Variants in SLC35D4 observed in about 807,000 individuals in gnomAD.
The protein encoded by SLC35D4 is UDP-N-acetylglucosamine transporter SLC35D4.
the SLC35D4 span, among the ~76,000 whole-genome samples, chr18:23,286,849 T>G: frequency 2.0e-5 from 3 of 152,144 alleles, no homozygotes; most frequent in Non-Finnish European, 4.4e-5. Flanking sequence ...TCTGCTTCCC[T>G]GACTATTCCT....
At chr18:23,285,251 C>T in the SLC35D4 span, among the ~76,000 whole-genome samples, 1 of 152,098 alleles carries the variant, frequency 6.6e-6, no homozygotes, top group Non-Finnish European at 1.5e-5. Flanking sequence ...AACCCCTTCC[C>T]TCCATGTCTC....
the SLC35D4 span, among the ~76,000 whole-genome samples, chr18:23,250,191 A>C: frequency 6.6e-6 from 1 of 152,240 alleles, no homozygotes; most frequent in Non-Finnish European, 1.5e-5. Flanking sequence ...AAGCAGCAGG[A>C]TATCCTTGCT....
chr18:23,353,572 C>T, the SLC35D4 span, among the ~76,000 whole-genome samples: 1 of 152,190 alleles, frequency 6.6e-6, no homozygotes, highest in Non-Finnish European at 1.5e-5. Flanking sequence ...ATTCTTGGGG[C>T]AGGACTAAAG....
chr18:23,410,273 C>T, the SLC35D4 span, among the ~76,000 whole-genome samples: 14 of 150,650 alleles, frequency 9.3e-5, no homozygotes, highest in Admixed American at 4.0e-4. Context: ...GAGGTCAGAT[C>T]GAGACCATCC....
the SLC35D4 span, among the ~76,000 whole-genome samples, chr18:23,413,813 G>A: frequency 1.1e-4 from 17 of 152,066 alleles, no homozygotes; most frequent in African/African-American, 4.1e-4. Flanking sequence ...GCATGGTGAT[G>A]CACGCCTGTA....
At chr18:23,380,807 A>AGT in the SLC35D4 span, among the ~76,000 whole-genome samples, 6,802 of 150,860 alleles carry the variant, frequency 0.045, 191 homozygotes, top group South Asian at 0.082. Context: ...TGTGTGCATG[A>AGT]GTGTGTGTGT....
At chr18:23,358,536 A>G in the SLC35D4 span, among the ~76,000 whole-genome samples, 1 of 152,184 alleles carries the variant, frequency 6.6e-6, no homozygotes, top group Non-Finnish European at 1.5e-5. Context: ...GAAAATAAGA[A>G]TAGCTAGCCC....
chr18:23,374,988 G>A, the SLC35D4 span, among the ~76,000 whole-genome samples: 1 of 151,856 alleles, frequency 6.6e-6, no homozygotes, highest in Non-Finnish European at 1.5e-5. Context: ...GGTGGCACAT[G>A]CCTATAGTCC....
the SLC35D4 span, among the ~76,000 whole-genome samples, chr18:23,405,417 C>T: frequency 4.6e-5 from 7 of 152,210 alleles, no homozygotes; most frequent in East Asian, 3.9e-4. Flanking sequence ...CTCAAACTCC[C>T]GACTTCAAGT....
chr18:23,351,128 C>T, the SLC35D4 span, among the ~76,000 whole-genome samples: 1 of 152,106 alleles, frequency 6.6e-6, no homozygotes, highest in Non-Finnish European at 1.5e-5. Flanking sequence ...CCATGTGGAC[C>T]GAGCACAGTG....
the SLC35D4 span, among the ~76,000 whole-genome samples, chr18:23,316,349 T>G: frequency 4.6e-5 from 7 of 152,162 alleles, no homozygotes; most frequent in Non-Finnish European, 8.8e-5. Flanking sequence ...AATATAAAAT[T>G]TATCATCTGA....
the SLC35D4 span, among the ~76,000 whole-genome samples, chr18:23,285,795 C>G: frequency 5.9e-5 from 9 of 152,158 alleles, no homozygotes; most frequent in Non-Finnish European, 1.2e-4. Context: ...ACACCGGGTC[C>G]GGCTTACGGT....
the SLC35D4 span, among the ~76,000 whole-genome samples, chr18:23,299,817 GA>G: frequency 6.6e-6 from 1 of 152,192 alleles, no homozygotes; most frequent in Non-Finnish European, 1.5e-5. Flanking sequence ...GGGGATGGAG[GA>G]GAGGGAGCCG....
the SLC35D4 span, among the ~76,000 whole-genome samples, chr18:23,288,555 C>T: frequency 6.6e-6 from 1 of 151,652 alleles, no homozygotes; most frequent in African/African-American, 2.4e-5. Flanking sequence ...GGGATTTGCC[C>T]CCCCGCCCCA....
chr18:23,411,550 A>G, the SLC35D4 span, among the ~76,000 whole-genome samples: 238 of 149,786 alleles, frequency 1.6e-3, 2 homozygotes, highest in African/African-American at 5.7e-3. Context: ...AGAAAGAAAG[A>G]AAGGTGTGTG....
the SLC35D4 span, among the ~76,000 whole-genome samples, chr18:23,255,033 T>C: frequency 6.6e-6 from 1 of 152,120 alleles, no homozygotes; most frequent in Non-Finnish European, 1.5e-5. Context: ...ATTGGCTAGT[T>C]TGAATAGTTT....
chr18:23,408,076 C>T, the SLC35D4 span, among the ~76,000 whole-genome samples: 1 of 151,818 alleles, frequency 6.6e-6, no homozygotes, highest in African/African-American at 2.4e-5. Context: ...CAGATCTCTG[C>T]CTAAAAGTTA....
chr18:23,310,267 G>A, the SLC35D4 span: 382 of 985,238 alleles, frequency 3.9e-4, no homozygotes, highest in Non-Finnish European at 4.3e-4. Context: ...GAAACCAGGT[G>A]CATCCTGGGG....
the SLC35D4 span, among the ~76,000 whole-genome samples, chr18:23,366,103 A>C: frequency 6.6e-6 from 1 of 152,224 alleles, no homozygotes; most frequent in Non-Finnish European, 1.5e-5. Context: ...AGATAGTTAC[A>C]TTTCCAAGAG....
Sources: allele counts gnomAD v4.1 joint callset (sites outside exome capture counted in the v4.1 genomes callset), GRCh38; gene constraint gnomAD v4.1.1; transcripts MANE v1.5; gene names NCBI Gene and HGNC (gene_info 2026-07-23, HGNC 2026-07-21).